The following CCDC192 variants were observed in gnomAD, a reference collection of about 807,000 sequenced individuals.
CCDC192 encodes coiled-coil domain containing 192.
At chr5:127,712,476 T>G (rs6873686) in intron 2 of CCDC192, among the ~76,000 whole-genome samples, 2,744 of 152,352 alleles carry the variant, frequency 0.018, 42 homozygotes, top group African/African-American at 0.042. Flanking sequence ...TGCACATTCC[T>G]GTTCCTTCCA....
At chr5:127,831,271 T>G (rs1012351803) in intron 5 of CCDC192, among the ~76,000 whole-genome samples, 3 of 151,818 alleles carry the variant, frequency 2.0e-5, no homozygotes, top group Non-Finnish European at 2.9e-5. Context: ...TTAATTGTAG[T>G]AAAAATTAAA....
chr5:127,754,494 TACAC>T (rs67832481), intron 3 of CCDC192, 119 bp downstream of exon 3: 156 of 310,946 alleles, frequency 5.0e-4, no homozygotes, highest in Middle Eastern at 8.5e-4. Flanking sequence ...CACACACACA[TACAC>T]ACACACACAC....
chr5:127,727,175 G>A (rs1467542494), intron 2 of CCDC192, among the ~76,000 whole-genome samples: 1 of 152,156 alleles, frequency 6.6e-6, no homozygotes, highest in Non-Finnish European at 1.5e-5. Context: ...GGGCCTGACT[G>A]TTAAAAGAAA....
intron 2 of CCDC192, among the ~76,000 whole-genome samples, chr5:127,721,680 G>T (rs991316513): frequency 2.0e-5 from 3 of 152,150 alleles, no homozygotes; most frequent in African/African-American, 7.2e-5. Context: ...TTGCTATAAA[G>T]AACTACCTGA....
intron 2 of CCDC192, among the ~76,000 whole-genome samples, chr5:127,724,750 GAGACA>G (rs1752216906): frequency 6.6e-6 from 1 of 151,368 alleles, no homozygotes; most frequent in Non-Finnish European, 1.5e-5. Flanking sequence ...CTGGGAGGCT[GAGACA>G]GCAGAATCGC....
At chr5:127,933,768 G>A (rs1261443550) in intron 6 of CCDC192, among the ~76,000 whole-genome samples, 1 of 152,164 alleles carries the variant, frequency 6.6e-6, no homozygotes, top group African/African-American at 2.4e-5. Context: ...ACAAGGTCAT[G>A]AGGGCAGAGC....
At chr5:127,814,092 A>G (rs1758227505) in intron 5 of CCDC192, among the ~76,000 whole-genome samples, 1 of 152,178 alleles carries the variant, frequency 6.6e-6, no homozygotes, top group South Asian at 2.1e-4. Flanking sequence ...GTTTAGAGGA[A>G]GGATTAAAAG....
intron 2 of CCDC192, among the ~76,000 whole-genome samples, chr5:127,715,594 T>G (rs248730): frequency 0.38 from 57,128 of 152,076 alleles, 11,323 homozygotes; most frequent in East Asian, 0.65. Context: ...CCAATTTCAG[T>G]ATTGTTTTTT....
chr5:127,767,913 A>G (rs1755322173), intron 3 of CCDC192, among the ~76,000 whole-genome samples: 1 of 152,198 alleles, frequency 6.6e-6, no homozygotes, highest in African/African-American at 2.4e-5. Context: ...CCAGTACCCT[A>G]GAACATGACT....
intron 2 of CCDC192, among the ~76,000 whole-genome samples, chr5:127,752,854 C>T (rs7731022): frequency 0.32 from 48,929 of 151,982 alleles, 8,733 homozygotes; most frequent in Middle Eastern, 0.42. Flanking sequence ...GTGCGGTATT[C>T]GGGTGGGAGT....
intron 5 of CCDC192, among the ~76,000 whole-genome samples, chr5:127,812,384 G>T (rs978398675): frequency 6.6e-6 from 1 of 152,128 alleles, no homozygotes; most frequent in African/African-American, 2.4e-5. Context: ...GAATTAAATG[G>T]GATGACACTG....
At chr5:127,755,074 C>T (rs1375169130) in intron 3 of CCDC192, among the ~76,000 whole-genome samples, 1 of 152,160 alleles carries the variant, frequency 6.6e-6, no homozygotes. Context: ...AGAGGCTTGG[C>T]CCCAGGGGAC....
At chr5:127,909,288 C>T (rs1753281215) in intron 6 of CCDC192, among the ~76,000 whole-genome samples, 1 of 152,054 alleles carries the variant, frequency 6.6e-6, no homozygotes, top group Admixed American at 6.6e-5. Context: ...GTTGACTGGC[C>T]ACAAGTAGGA....
chr5:127,826,414 C>T (rs1749536007), intron 5 of CCDC192, among the ~76,000 whole-genome samples: 1 of 151,770 alleles, frequency 6.6e-6, no homozygotes, highest in Admixed American at 6.6e-5. Flanking sequence ...ACCATTTGAC[C>T]CAGCAGTGCC....
At chr5:127,805,149 T>C (rs1757713987) in intron 5 of CCDC192, among the ~76,000 whole-genome samples, 1 of 152,204 alleles carries the variant, frequency 6.6e-6, no homozygotes, top group South Asian at 2.1e-4. Context: ...TTGTCATGAC[T>C]AATTCTACTG....
intron 3 of CCDC192, among the ~76,000 whole-genome samples, chr5:127,764,416 C>A (rs190154655): frequency 6.6e-6 from 1 of 152,164 alleles, no homozygotes; most frequent in East Asian, 1.9e-4. Flanking sequence ...CAAGACAGAT[C>A]CCAAGTTTCA....
rs146160483 is a variant in CCDC192 at position 127,940,790 on chromosome 5, C to T, written c.536-392C>T. The stretch of plus-strand genomic sequence containing the variant: ...AATTGAATTAGAATTCAAATCAAAG[C>T]ATAATTCTACTTGATTATAGCTCTT... On this transcript the variant is annotated intron_variant, in intron 6 of 6. Transcript: ENST00000514853. 598 of 157,640 alleles carry T rather than the reference C, an allele frequency of 3.8e-3. 3 individuals carry two copies. The highest frequency in any genetic ancestry group is 8.2e-3 in the Admixed American group (127 of 15,422). 9.8% of individuals were successfully genotyped at this position (157,640 alleles called of 1,614,324 possible). A position where few individuals can be genotyped will look rare whatever the true frequency, so the allele number is the denominator to read the frequency against.
rs936403799 is a variant in CCDC192 at position 127,759,255 on chromosome 5, T to C, written c.222+4880T>C. Among the ~76,000 whole-genome samples the C allele has an allele frequency of 2.6e-5, 4 of 152,340 alleles. 1 individual carries two copies. Among genetic ancestry groups the C allele is most frequent in the South Asian group, 4.1e-4 (2 of 4,824 alleles). On this transcript the variant is annotated intron_variant, in intron 3 of 6. Coordinates refer to ENST00000514853, the MANE Select transcript of CCDC192 (RefSeq NM_001317938.2). The stretch of plus-strand genomic sequence containing the variant: ...TCCCTCTGTCCCTTTGTGGTTATTA[T>C]GGCTGAATGTTTCTGTCCCCCTGCC...
chr5:127,930,818 G>A (rs1754007121), intron 6 of CCDC192, among the ~76,000 whole-genome samples: 3 of 152,204 alleles, frequency 2.0e-5, no homozygotes, highest in Non-Finnish European at 4.4e-5. Context: ...GATACACACT[G>A]CACTCTGCTC....
Sources: gnomAD v4.1 joint callset for allele counts (sites outside exome capture counted in the v4.1 genomes callset) on GRCh38, gnomAD v4.1.1 for gene constraint, MANE v1.5 for transcripts, NCBI Gene and HGNC (gene_info 2026-07-23, HGNC 2026-07-21) for gene names.